Variants in LAMA3 observed in about 807,000 individuals in gnomAD.
The protein encoded by LAMA3 is laminin subunit alpha-3.
In LAMA3, 281 loss-of-function variants were observed where a neutral mutation model predicts 402.0. The ratio of observed to expected loss-of-function variants is 0.70; its 90% CI spans 0.63 to 0.77. The LOEUF is 0.77. LAMA3 is among the 30% of genes least tolerant of loss of function. The pLI is 0.00. For missense variants in LAMA3, 3,840 were observed against 4,215.5 expected (o/e 0.91, Z 2.47); for synonymous variants, 1,431 against 1,558.4 (o/e 0.92, Z 1.93).
chr18:23,753,959 T>C, intron 6 of LAMA3, 147 bp downstream of exon 6: 1 of 699,220 alleles, frequency 1.4e-6, no homozygotes, highest in Non-Finnish European at 2.6e-6. Flanking sequence ...GGTGTGTGCC[T>C]CCTCTCCACC....
At chr18:23,933,313 C>T (rs767367175) in intron 66 of LAMA3, among the ~76,000 whole-genome samples, 16 of 152,130 alleles carry the variant, frequency 1.1e-4, no homozygotes, top group Non-Finnish European at 1.6e-4. Flanking sequence ...GGCTCCTCGC[C>T]GGCTTCTAGA....
At chr18:23,776,100 A>G (rs1170041222) in intron 10 of LAMA3, among the ~76,000 whole-genome samples, 177 bp downstream of exon 10, 1 of 152,208 alleles carries the variant, frequency 6.6e-6, no homozygotes, top group Non-Finnish European at 1.5e-5. Context: ...ATATTGGTAC[A>G]TTTTACAGTC....
intron 30 of LAMA3, among the ~76,000 whole-genome samples, chr18:23,845,738 TGTG>T (rs1279560303): frequency 6.6e-6 from 1 of 152,208 alleles, no homozygotes; most frequent in East Asian, 1.9e-4. Context: ...CTTAAGCAGC[TGTG>T]GAGGTGAATG....
At chr18:23,947,813 T>C (rs1675331804) in intron 70 of LAMA3, among the ~76,000 whole-genome samples, 2 of 23,086 alleles carry the variant, frequency 8.7e-5, no homozygotes, top group South Asian at 2.7e-3. Flanking sequence ...TCCTATTTTC[T>C]TTTTTTTTTT....
chr18:23,894,425 C>G, intron 43 of LAMA3, 77 bp downstream of exon 43: 1 of 1,269,542 alleles, frequency 7.9e-7, no homozygotes, highest in Middle Eastern at 1.9e-4. Flanking sequence ...CATGCTGGGT[C>G]ATGCAGTTTC....
At chr18:23,874,326 C>G (rs2064632466) in intron 38 of LAMA3, among the ~76,000 whole-genome samples, 1 of 152,236 alleles carries the variant, frequency 6.6e-6, no homozygotes, top group Non-Finnish European at 1.5e-5. Flanking sequence ...TAGAATGACA[C>G]CATCATTGGC....
chr18:23,782,134 T>C (rs1297242214), intron 11 of LAMA3, among the ~76,000 whole-genome samples: 1 of 152,192 alleles, frequency 6.6e-6, no homozygotes. Context: ...ATGTAGAAAA[T>C]CTTTCCAAAA....
intron 2 of LAMA3, among the ~76,000 whole-genome samples, chr18:23,731,779 AG>A (rs34271718): frequency 0.51 from 77,870 of 151,302 alleles, 21,834 homozygotes; most frequent in Non-Finnish European, 0.63. Flanking sequence ...GGAGGGAGGG[AG>A]GGGAAAGGGT....
chr18:23,774,125 A>T (rs891883996), intron 9 of LAMA3, among the ~76,000 whole-genome samples: 23 of 152,156 alleles, frequency 1.5e-4, no homozygotes, highest in African/African-American at 5.1e-4. Flanking sequence ...CTGGAGGTGG[A>T]GGCATGAGAA....
At chr18:23,853,374 AGCGACTCTCCT>A (rs1324996824) in intron 32 of LAMA3, among the ~76,000 whole-genome samples, 1 of 152,106 alleles carries the variant, frequency 6.6e-6, no homozygotes, top group Non-Finnish European at 1.5e-5. Flanking sequence ...CCAGGGTTCA[AGCGACTCTCCT>A]GCCTCAGCCT....
At chr18:23,900,158 C>T (rs369547569) in intron 47 of LAMA3, among the ~76,000 whole-genome samples, 4 of 152,082 alleles carry the variant, frequency 2.6e-5, no homozygotes, top group South Asian at 2.1e-4. Context: ...GCAACCTTCA[C>T]CTCCTGAGTT....
chr18:23,760,397 G>A (rs1256668164), intron 7 of LAMA3, among the ~76,000 whole-genome samples: 1 of 152,070 alleles, frequency 6.6e-6, no homozygotes, highest in African/African-American at 2.4e-5. Context: ...CATTGAGCCT[G>A]TTTTACAAGT....
Position 23,773,518 on chromosome 18 carries a change from T to A in LAMA3, c.1204T>A (p.Cys402Ser). 6.3e-7 allele frequency: 1 copy of A among 1,599,102 alleles called. No individual in the cohort carries two copies. The highest frequency in any genetic ancestry group is 8.5e-7 in the Non-Finnish European group (1 of 1,170,704). ...CTAGCACAACACAGCTGGAGTAAAC[T>A]GTGAACAGTGTGCTAAGGGCTATTA... ...NCQHNTAGVN[C>S]EQCAKGYYRP... The change falls in exon 9 of 75, where the codon TGT becomes AGT. Residue 402 changes from cysteine (C) to serine (S), a missense_variant. Transcript: ENST00000313654.
intron 1 of LAMA3, among the ~76,000 whole-genome samples, chr18:23,700,419 A>T (rs1006266263): frequency 1.6e-4 from 24 of 152,176 alleles, no homozygotes; most frequent in African/African-American, 5.8e-4. Context: ...TCCAGAAAGA[A>T]CTTCTTGAGT....
At chr18:23,753,952 G>C in intron 6 of LAMA3, 140 bp downstream of exon 6, 1 of 706,408 alleles carries the variant, frequency 1.4e-6, no homozygotes, top group Non-Finnish European at 2.6e-6. Flanking sequence ...GGTGGGGGGT[G>C]TGTGCCTCCT....
In LAMA3 at chr18:23,837,570, GATATATAT is replaced by G. The variant is rs56179962; in HGVS notation, c.3093+498_3093+505del. ...AAAAAGAATATCATTCAGTTAATCA[GATATATAT>G]ATATATATATATATATGTTATTAAG... On this transcript the variant is annotated intron_variant, in intron 25 of 74. Transcript: ENST00000313654. 3.6e-4 allele frequency among the ~76,000 whole-genome samples: 30 copies of G among 83,296 alleles called. 1 individual carries two copies. Among genetic ancestry groups the G allele is most frequent in the Admixed American group, 3.3e-3 (20 of 6,068 alleles). 54.6% of individuals were successfully genotyped at this position (83,296 alleles called of 152,430 possible).
rs754299787 is a variant in LAMA3 at position 23,689,792 on chromosome 18, C to T, written c.109C>T (p.Arg37Trp). ...GCTGCCAGCCTGCGGGGCGACCGCTCGGGATCCCGGGGCCGCGGCCGGGCT... is the reference window on the plus strand; with the variant it reads ...GCTGCCAGCCTGCGGGGCGACCGCTTGGGATCCCGGGGCCGCGGCCGGGCT... ...RVLPACGATARDPGAAAGLSL... is the reference protein window; with the variant it reads ...RVLPACGATAWDPGAAAGLSL... Residue 37 changes from arginine (R) to tryptophan (W), a missense_variant, in exon 1 of 75, where the codon CGG becomes TGG. Arg to Trp is a moderately radical substitution (Grantham distance 101). This residue lies in a region of LAMA3 where 2,109 missense variants were observed against 2,376.0 expected (regional missense o/e 0.89). Transcript: ENST00000313654. The T allele has an allele frequency of 1.0e-5, 16 of 1,534,780 alleles. No individual in the cohort carries two copies. The highest frequency in any genetic ancestry group is 2.0e-5 in the Admixed American group (1 of 50,696).
chr18:23,773,726 C>G (rs113636570), intron 9 of LAMA3, 139 bp downstream of exon 9: 47 of 688,210 alleles, frequency 6.8e-5, no homozygotes, highest in African/African-American at 4.6e-4. Context: ...TATGTGACCT[C>G]AGTCACTTAC....
chr18:23,834,143 C>T (rs1598884228), intron 24 of LAMA3, 155 bp downstream of exon 24: 2 of 809,168 alleles, frequency 2.5e-6, no homozygotes, highest in East Asian at 2.5e-5. Context: ...AACGTCATCA[C>T]CAGTGTGGGT....
Sources: allele counts gnomAD v4.1 joint callset (sites outside exome capture counted in the v4.1 genomes callset), GRCh38; gene constraint gnomAD v4.1.1; regional missense constraint gnomAD v4.1.1; transcripts MANE v1.5; gene names NCBI Gene and HGNC (gene_info 2026-07-23, HGNC 2026-07-21).